Variants in TTC31 observed in about 807,000 individuals in gnomAD.
TTC31 encodes the protein tetratricopeptide repeat protein 31.
TTC31 carries 59 observed loss-of-function variants against 60.4 expected under a neutral mutation model. That is an observed-to-expected ratio of 0.98 (90% CI 0.79 to 1.21). The LOEUF is 1.21. TTC31 is among the 50% of genes most tolerant of loss of function. The pLI is 0.00. For missense variants in TTC31, 672 were observed against 646.9 expected, an observed-to-expected ratio of 1.04 and a Z score of -0.42; for synonymous variants, 225 against 249.6, an observed-to-expected ratio of 0.90 and a Z score of 0.93.
Position 74,492,248 on chromosome 2 carries a change from A to G in TTC31, c.1019+19A>G, listed in dbSNP as rs1673995228. ...ACCACCGGTAGGTGGGGGCTTGGCCAGGGCAGGGCAGAGTGTTGAGGACTC... is the reference window on the plus strand; with the variant it reads ...ACCACCGGTAGGTGGGGGCTTGGCCGGGGCAGGGCAGAGTGTTGAGGACTC... On this transcript the variant is annotated intron_variant, in intron 10 of 12. Coordinates refer to ENST00000233623, the MANE Select transcript of TTC31 (RefSeq NM_022492.6). 1 of 1,614,144 alleles carries G rather than the reference A, an allele frequency of 6.2e-7. No individual in the cohort carries two copies. The highest frequency in any genetic ancestry group is 8.5e-7 in the Non-Finnish European group (1 of 1,179,984).
rs769998821 is a variant in TTC31 at position 74,492,101 on chromosome 2, A to G, written c.929-38A>G. The stretch of plus-strand genomic sequence containing the variant: ...GTCCTCACCCCACCCTCCCTGGGGT[A>G]GCCCCATCTGAACCTTCTCACCCTC... On this transcript the variant is annotated intron_variant, in intron 9 of 12. Transcript: ENST00000233623. The G allele has an allele frequency of 5.0e-6, 8 of 1,613,536 alleles. No homozygotes were observed. The South Asian group carries it at 8.8e-5, about 18-fold the overall frequency.
At position 74,493,214 on chromosome 2, in the gene TTC31, G is replaced by C. The variant is rs199523491; in HGVS notation, c.1556G>C (p.Arg519Thr). ...GGGCTCCAGCATCTGTCTCAGGCCAGATGAGGGGGCACCGGTCCCTCATAG... is the reference window on the plus strand; with the variant it reads ...GGGCTCCAGCATCTGTCTCAGGCCACATGAGGGGGCACCGGTCCCTCATAG... ...GLGLQHLSQA[R>T] The change falls in exon 13 of 13, where the codon AGA (arginine) becomes ACA (threonine). Residue 519 changes from arginine to threonine, a missense_variant. By Grantham distance (71) the Arg-to-Thr change is moderately conservative. Coordinates refer to ENST00000233623, the MANE Select transcript of TTC31 (RefSeq NM_022492.6). 1.1e-4 allele frequency: 172 copies of C among 1,614,104 alleles called. No individual in the cohort carries two copies. The African/African-American group carries it at 1.6e-3, about 15-fold the overall frequency.
chr2:74,487,414 C>T (rs1673252443), intron 2 of TTC31, among the ~76,000 whole-genome samples: 1 of 152,092 alleles, frequency 6.6e-6, no homozygotes, highest in African/African-American at 2.4e-5. Flanking sequence ...AGACGGGTTT[C>T]ACCATGTTGG....
At chr2:74,490,767 G>C in intron 5 of TTC31, 28 bp downstream of exon 5, 2 of 1,600,956 alleles carry the variant, frequency 1.2e-6, no homozygotes, top group East Asian at 4.5e-5. Flanking sequence ...GGAGGGTGCA[G>C]GGGAGCCAAA....
At chr2:74,490,003 C>CCA in intron 2 of TTC31, 22 bp from the exon 3 acceptor site, 1 of 1,491,010 alleles carries the variant, frequency 6.7e-7, no homozygotes. Flanking sequence ...CCAGCCTCCC[C>CCA]TCCCCTCCCC....
Position 74,490,743 on chromosome 2 carries a change from G to A in TTC31, c.546+4G>A. On this transcript the variant is annotated splice_donor_region_variant and intron_variant, in intron 5 of 12. Coordinates refer to ENST00000233623, the MANE Select transcript of TTC31 (RefSeq NM_022492.6). ...GAAAAAGCGACTCAAGAAGAAGGTG[G>A]CTAGAGCATGGCTGGAGGGTGCAGG... is the stretch of plus-strand genomic sequence containing the variant. The A allele has an allele frequency of 6.2e-7, 1 of 1,611,644 alleles. No homozygotes were observed. The highest frequency in any genetic ancestry group is 8.5e-7 in the Non-Finnish European group (1 of 1,178,902).
chr2:74,483,284 C>A (rs570700130), intron 1 of TTC31, 38 bp from the exon 2 acceptor site: 3 of 1,613,382 alleles, frequency 1.9e-6, no homozygotes, highest in African/African-American at 1.3e-5. Flanking sequence ...CCATCTGTCC[C>A]GAGCCCGCTG....
At chr2:74,485,749 C>T (rs1558580071) in intron 2 of TTC31, among the ~76,000 whole-genome samples, 1 of 151,988 alleles carries the variant, frequency 6.6e-6, no homozygotes, top group South Asian at 2.1e-4. Flanking sequence ...GGATTACAGG[C>T]GTGAGCCACC....
At position 74,490,493 on chromosome 2, in the gene TTC31, G is replaced by T. The variant is rs566518499; in HGVS notation, c.462+20G>T. The stretch of plus-strand genomic sequence containing the variant: ...GAAGAGGTGAGATTCTCAGGAGAGG[G>T]CTTTGCCGTCCCCCAGGGTTCTTTC... On this transcript the variant is annotated intron_variant, in intron 4 of 12. Transcript: ENST00000233623. 11 of 1,580,674 alleles carry T rather than the reference G, an allele frequency of 7.0e-6. No homozygotes were observed. The highest frequency in any genetic ancestry group is 9.5e-6 in the Non-Finnish European group (11 of 1,162,366).
In TTC31 at chr2:74,492,745, C is replaced by T; in HGVS notation, c.1261C>T (p.Leu421=). Residue 421 remains leucine (L), a splice_region_variant and synonymous_variant, in exon 12 of 13, where the codon CTG becomes TTG. Transcript: ENST00000233623. ...ELRSCLLHLT[L]QGQRGGICAP... ...CCGCTCTTGCCTTCTCCACCTCACA[C>T]TGGTAAGGGGGCCAGGCACACTGTC... 6.2e-7 allele frequency: 1 copy of T among 1,614,092 alleles called. No individual in the cohort carries two copies. Among genetic ancestry groups the T allele is most frequent in the Non-Finnish European group, 8.5e-7 (1 of 1,179,990 alleles).
intron 2 of TTC31, among the ~76,000 whole-genome samples, chr2:74,486,239 C>T (rs1673091513): frequency 6.6e-6 from 1 of 151,720 alleles, no homozygotes; most frequent in African/African-American, 2.4e-5. Context: ...GCATTCCAGC[C>T]TGGAGACAGG....
chr2:74,483,193 G>A, intron 1 of TTC31, 58 bp downstream of exon 1: 1 of 1,613,872 alleles, frequency 6.2e-7, no homozygotes, highest in Non-Finnish European at 8.5e-7. Context: ...CCCCTCTTGG[G>A]TCCACCTGTG....
chr2:74,490,105 G>T lies in TTC31; in HGVS notation c.210G>T (p.Gly70=). ...GGATCCATGTGGATGGGAGCAGCGGGCGGCTGCAGCTGTGGCACCATGGTG... is the reference window on the plus strand; with the variant it reads ...GGATCCATGTGGATGGGAGCAGCGGTCGGCTGCAGCTGTGGCACCATGGTG... ...LHRIHVDGSS[G]RLQLWHHDYL... The change falls in exon 3 of 13, where the codon GGG becomes GGT. Residue 70 remains glycine (G), a synonymous_variant. Transcript: ENST00000233623. 6.3e-7 allele frequency: 1 copy of T among 1,594,064 alleles called. No homozygotes were observed.
In TTC31 at chr2:74,493,040, C is replaced by T; in HGVS notation, c.1382C>T (p.Ala461Val). The stretch of plus-strand genomic sequence containing the variant: ...TCCCTCAGGTGCCCTCGAAGCACTG[C>T]TTTGAGGTCCCCTGGCCTGTCTCCA... Reference protein sequence around the residue: ...LPSLRCPRSTALRSPGLSPLL... With the variant: ...LPSLRCPRSTVLRSPGLSPLL... Residue 461 changes from alanine to valine, a missense_variant, in exon 13 of 13, where the codon GCT (alanine) becomes GTT (valine). Transcript: ENST00000233623. 2 of 1,614,194 alleles carry T rather than the reference C, an allele frequency of 1.2e-6. 1 individual carries two copies. The highest frequency in any genetic ancestry group is 1.7e-6 in the Non-Finnish European group (2 of 1,180,026).
intron 11 of TTC31, 41 bp from the exon 12 acceptor site, chr2:74,492,605 T>G (rs191452782): frequency 6.2e-7 from 1 of 1,610,766 alleles, no homozygotes; most frequent in East Asian, 2.2e-5. Context: ...TTAAGCACCT[T>G]GACACCTAAT....
At chr2:74,492,477 T>C (rs759866896) in intron 11 of TTC31, 32 bp downstream of exon 11, 18 of 1,524,014 alleles carry the variant, frequency 1.2e-5, no homozygotes, top group Middle Eastern at 1.8e-4. Context: ...ACAGGAGAGA[T>C]TTGAGTGGGA....
At chr2:74,490,214 T>C in intron 3 of TTC31, 30 bp from the exon 4 acceptor site, 1 of 1,612,230 alleles carries the variant, frequency 6.2e-7, no homozygotes, top group Non-Finnish European at 8.5e-7. Context: ...TCATGTCCTT[T>C]CTTTCCTGTC....
At chr2:74,483,663 G>A in intron 2 of TTC31, 1 of 1,296,246 alleles carries the variant, frequency 7.7e-7, no homozygotes, top group Non-Finnish European at 1.0e-6. Context: ...GAGGATTAGG[G>A]AGTGGGTACG....
rs1437396438 is a variant in TTC31 at position 74,494,515 on chromosome 2, G to A, written c.*1297G>A. On this transcript the variant is annotated 3_prime_UTR_variant, in exon 13 of 13. Transcript: ENST00000233623. ...AAGTGTGAGAAAATACCTCCCAAGT[G>A]CCTGGTACATAGTGGGTGCTAAATA... 1 of 152,204 alleles carries A rather than the reference G, an allele frequency of 6.6e-6. No individual in the cohort carries two copies. Among genetic ancestry groups the A allele is most frequent in the Non-Finnish European group, 1.5e-5 (1 of 68,042 alleles). The allele number at this position is 152,204 out of a possible 1,614,324, so 9.4% of individuals were successfully genotyped here. A position where few individuals can be genotyped will look rare whatever the true frequency, so the allele number is the denominator to read the frequency against.
Sources: gnomAD v4.1 joint callset for allele counts (sites outside exome capture counted in the v4.1 genomes callset) on GRCh38, gnomAD v4.1.1 for gene constraint, MANE v1.5 for transcripts, NCBI Gene and HGNC (gene_info 2026-07-23, HGNC 2026-07-21) for gene names.